The following CRH variants were observed in gnomAD, a reference collection of about 807,000 sequenced individuals.
CRH encodes the protein corticotropin releasing hormone, also known as corticotropin-releasing hormone.
In CRH, 6 loss-of-function variants were observed where a neutral mutation model predicts 11.1. The ratio of observed to expected loss-of-function variants is 0.54; its 90% CI spans 0.30 to 1.07. The LOEUF (loss-of-function observed/expected upper bound fraction) is 1.07. Among genes scored for constraint, CRH ranks in the 50% least tolerant of loss-of-function variants. CRH has a pLI of 0.07. For missense variants in CRH, 289 were observed against 269.4 expected (o/e 1.07, Z -0.51); for synonymous variants, 155 against 132.0 (o/e 1.17, Z -1.19).
At position 66,176,979 on chromosome 8, in the gene CRH, G is replaced by A; in HGVS notation, c.499C>T (p.Leu167Phe). 6.2e-7 allele frequency: 1 copy of A among 1,614,180 alleles called. No individual in the cohort carries two copies. The highest frequency in any genetic ancestry group is 8.5e-7 in the Non-Finnish European group (1 of 1,180,032). The change falls in exon 2 of 2, where the codon CTC (leucine) becomes TTC (phenylalanine). Residue 167 changes from leucine (L) to phenylalanine (F), a missense_variant. Leu to Phe is a conservative substitution (Grantham distance 22, BLOSUM62 0). This residue lies in a region of CRH where 28 missense variants were observed against 50.5 expected (regional missense o/e 0.55). Transcript: ENST00000276571. ...GCCATTTCCAAGACTTCCCGGAGGA[G>A]GTGGAAGGTGAGATCCAGGGAGATG... ...PPISLDLTFH[L>F]LREVLEMARA...
In CRH at chr8:66,177,415, T is replaced by C; in HGVS notation, c.63A>G (p.Pro21=). 1.3e-6 allele frequency: 2 copies of C among 1,539,666 alleles called. No individual in the cohort carries two copies. Among genetic ancestry groups the C allele is most frequent in the Non-Finnish European group, 8.7e-7 (1 of 1,147,038 alleles). The change falls in exon 2 of 2, where the codon CCA becomes CCG. Residue 21 remains proline, a synonymous_variant. Transcript: ENST00000276571. ...VLLVALLPCP[P]CRALLSRGPV... is the part of the protein sequence containing the mutation. Reference sequence around the variant, plus strand: ...GCCCGCGGCTCAGGAGCGCCCTGCATGGCGGGCAGGGCAGGAGAGCCACCA... The same window carrying C: ...GCCCGCGGCTCAGGAGCGCCCTGCACGGCGGGCAGGGCAGGAGAGCCACCA...
chr8:66,177,021 G>A lies in CRH; in HGVS notation c.457C>T (p.Arg153Trp). The change falls in exon 2 of 2, where the codon CGG (arginine) becomes TGG (tryptophan). Residue 153 changes from arginine to tryptophan, a missense_variant. By Grantham distance (101) the Arg-to-Trp change is moderately radical. This residue lies in a region of CRH where 261 missense variants were observed against 219.0 expected (regional missense o/e 1.19). Coordinates refer to ENST00000276571, the MANE Select transcript of CRH (RefSeq NM_000756.4). Reference protein sequence around the residue: ...GHQEAPERERRSEEPPISLDL... With the variant: ...GHQEAPERERWSEEPPISLDL... The stretch of plus-strand genomic sequence containing the variant: ...AGGGAGATGGGAGGCTCCTCGGACC[G>A]CCTTTCTCTCTCCGGTGCCTCCTGG... 6.2e-7 allele frequency: 1 copy of A among 1,613,976 alleles called. No individual in the cohort carries two copies. The highest frequency in any genetic ancestry group is 8.5e-7 in the Non-Finnish European group (1 of 1,179,938).
Position 66,177,038 on chromosome 8 carries a change from G to A in CRH, c.440C>T (p.Ala147Val). 6.2e-7 allele frequency: 1 copy of A among 1,613,344 alleles called. No homozygotes were observed. The highest frequency in any genetic ancestry group is 2.2e-5 in the East Asian group (1 of 44,864). Residue 147 changes from alanine to valine, a missense_variant, in exon 2 of 2, where the codon GCA becomes GTA. Transcript: ENST00000276571. ...CTCGGACCGCCTTTCTCTCTCCGGTGCCTCCTGGTGGCCGCCGAGGGCATT... is the reference window on the plus strand; with the variant it reads ...CTCGGACCGCCTTTCTCTCTCCGGTACCTCCTGGTGGCCGCCGAGGGCATT... Reference protein sequence around the residue: ...ARNALGGHQEAPERERRSEEP... With the variant: ...ARNALGGHQEVPERERRSEEP...
Position 66,177,190 on chromosome 8 carries a change from T to C in CRH, c.288A>G (p.Gly96=). The change falls in exon 2 of 2, where the codon GGA becomes GGG. Residue 96 remains glycine (G), a synonymous_variant. Coordinates refer to ENST00000276571, the MANE Select transcript of CRH (RefSeq NM_000756.4). ...PLSPASSLLA[G]GSGSRPSPEQ... The stretch of plus-strand genomic sequence containing the variant: ...CCGGCGAAGGGCGGCTGCCGCTGCC[T>C]CCGGCGAGGAGCGAGGAGGCGGGCG... 2 of 1,541,038 alleles carry C rather than the reference T, an allele frequency of 1.3e-6. No individual in the cohort carries two copies. The highest frequency in any genetic ancestry group is 2.0e-5 in the Admixed American group (1 of 50,972).
Position 66,176,752 on chromosome 8 carries a change from C to G in CRH, c.*135G>C. ...GCTAAGTAAGGGGTATAGGCTCTCT[C>G]CCTCTCTCCCTCTATGTTTCAAGCT... On this transcript the variant is annotated 3_prime_UTR_variant, in exon 2 of 2. Coordinates refer to ENST00000276571, the MANE Select transcript of CRH (RefSeq NM_000756.4). 52 of 1,074,584 alleles carry G rather than the reference C, an allele frequency of 4.8e-5. No individual in the cohort carries two copies. Among genetic ancestry groups the G allele is most frequent in the Non-Finnish European group, 6.0e-5 (47 of 782,906 alleles). 66.6% of individuals were successfully genotyped at this position (1,074,584 alleles called of 1,614,324 possible).
At position 66,177,364 on chromosome 8, in the gene CRH, C is replaced by T; in HGVS notation, c.114G>A (p.Pro38=). 1 of 1,543,514 alleles carries T rather than the reference C, an allele frequency of 6.5e-7. No individual in the cohort carries two copies. Among genetic ancestry groups the T allele is most frequent in the Middle Eastern group, 1.7e-4 (1 of 5,830 alleles). The change falls in exon 2 of 2, where the codon CCG becomes CCA. Residue 38 remains proline, a synonymous_variant. Coordinates refer to ENST00000276571, the MANE Select transcript of CRH (RefSeq NM_000756.4). ...AGAAATCCAAGGGCTGAGGGTGCTG[C>T]GGCGCCTGCCGAGCTCCCGGGACCG... ...RGPVPGARQA[P]QHPQPLDFFQ...
rs1165282996 is a variant in CRH, at chr8:66,176,882, C to T, written c.*5G>A. Reference sequence around the variant, plus strand: ...TGCAGATTCTTTTTGGCCAAACGCACCGTTTTATTTCCCAATAATCTCCAT... The same window carrying T: ...TGCAGATTCTTTTTGGCCAAACGCATCGTTTTATTTCCCAATAATCTCCAT... On this transcript the variant is annotated 3_prime_UTR_variant, in exon 2 of 2. Coordinates refer to ENST00000276571, the MANE Select transcript of CRH (RefSeq NM_000756.4). 1.3e-6 allele frequency: 2 copies of T among 1,575,194 alleles called. No homozygotes were observed. The highest frequency in any genetic ancestry group is 8.6e-7 in the Non-Finnish European group (1 of 1,160,106).
Position 66,177,333 on chromosome 8 carries a change from G to A in CRH, c.145C>T (p.Pro49Ser), listed in dbSNP as rs929688857. ...TGGGGCTGCTCGGACTGCGGCGGCGGCTGGAAGAAATCCAAGGGCTGAGGG... is the reference window on the plus strand; with the variant it reads ...TGGGGCTGCTCGGACTGCGGCGGCGACTGGAAGAAATCCAAGGGCTGAGGG... ...QHPQPLDFFQ[P>S]PPQSEQPQQP... is the part of the protein sequence containing the mutation. The change falls in exon 2 of 2, where the codon CCG becomes TCG. Residue 49 changes from proline (P) to serine (S), a missense_variant. Pro to Ser is a moderately conservative substitution (Grantham distance 74). Coordinates refer to ENST00000276571, the MANE Select transcript of CRH (RefSeq NM_000756.4). 2.2e-5 allele frequency: 34 copies of A among 1,553,732 alleles called. No individual in the cohort carries two copies. Among genetic ancestry groups the A allele is most frequent in the Non-Finnish European group, 2.8e-5 (32 of 1,154,420 alleles).
rs1178460532 is a variant in CRH at position 66,177,495 on chromosome 8, C to A, written c.-14-4G>T. The A allele has an allele frequency of 1.3e-6, 2 of 1,528,876 alleles. No homozygotes were observed. The highest frequency in any genetic ancestry group is 2.0e-5 in the Admixed American group (1 of 50,196). The allele number at this position is 1,528,876 out of a possible 1,614,324, so 94.7% of individuals were successfully genotyped here. ...AGCCGCATGTTAGGGGCACTCGCTG[C>A]GGCACAGAGGTGGGCGGAGGGCGGA... On this transcript the variant is annotated splice_polypyrimidine_tract_variant and splice_region_variant and intron_variant, in intron 1 of 1. Transcript: ENST00000276571.
chr8:66,177,596 C>A (rs572807971), intron 1 of CRH, 105 bp from the exon 2 acceptor site: 1 of 1,403,712 alleles, frequency 7.1e-7, no homozygotes, highest in Non-Finnish European at 9.4e-7. Context: ...GGTCTTCCTA[C>A]GGGACTGCCT....
chr8:66,178,003 C>A (rs1279397828), intron 1 of CRH, among the ~76,000 whole-genome samples: 2 of 152,244 alleles, frequency 1.3e-5, no homozygotes, highest in East Asian at 3.9e-4. Flanking sequence ...CAGCAAGGAG[C>A]AACTGGCAGC....
chr8:66,178,364 C>G lies in CRH; in HGVS notation c.-86G>C, dbSNP rs974631919. The G allele has an allele frequency of 1.3e-5, 2 of 152,352 alleles. No individual in the cohort carries two copies. The highest frequency in any genetic ancestry group is 4.8e-5 in the African/African-American group (2 of 41,448). The allele number at this position is 152,352 out of a possible 1,614,324, so 9.4% of individuals were successfully genotyped here. On this transcript the variant is annotated 5_prime_UTR_variant, in exon 1 of 2. Coordinates refer to ENST00000276571, the MANE Select transcript of CRH (RefSeq NM_000756.4). ...AGAGAGACGTCTCCGGGGGCTTTCTCTGGAGGTTGTCTTCCTTTCTCTTTA... is the reference window on the plus strand; with the variant it reads ...AGAGAGACGTCTCCGGGGGCTTTCTGTGGAGGTTGTCTTCCTTTCTCTTTA...
At chr8:66,177,699 G>A (rs1052465575) in intron 1 of CRH, among the ~76,000 whole-genome samples, 1 of 152,156 alleles carries the variant, frequency 6.6e-6, no homozygotes, top group South Asian at 2.1e-4. Context: ...CGCCTGCAGG[G>A]CTCCGCACCT....
In CRH at chr8:66,177,122, A is replaced by T. The variant is rs1363928548; in HGVS notation, c.356T>A (p.Leu119Gln). 10 of 1,559,548 alleles carry T rather than the reference A, an allele frequency of 6.4e-6. No individual in the cohort carries two copies. The highest frequency in any genetic ancestry group is 2.4e-5 in the East Asian group (1 of 41,938). Residue 119 changes from leucine to glutamine, a missense_variant, in exon 2 of 2, where the codon CTG becomes CAG. This residue lies in a region of CRH where 261 missense variants were observed against 219.0 expected (regional missense o/e 1.19). Coordinates refer to ENST00000276571, the MANE Select transcript of CRH (RefSeq NM_000756.4). ...ANFFRVLLQQ[L>Q]LLPRRSLDSP... ...GTCGAGCGAGCGCCGAGGCAGCAGCAGCTGCTGCAGCAACACGCGGAAAAA... is the reference window on the plus strand; with the variant it reads ...GTCGAGCGAGCGCCGAGGCAGCAGCTGCTGCTGCAGCAACACGCGGAAAAA...
rs1262118201 is a variant in CRH, at chr8:66,176,517, G to C, written c.*370C>G. The C allele has an allele frequency of 6.3e-6, 1 of 157,988 alleles. No individual in the cohort carries two copies. The highest frequency in any genetic ancestry group is 1.4e-5 in the Non-Finnish European group (1 of 72,264). 9.8% of individuals were successfully genotyped at this position (157,988 alleles called of 1,614,324 possible). A position where few individuals can be genotyped will look rare whatever the true frequency, so the allele number is the denominator to read the frequency against. On this transcript the variant is annotated 3_prime_UTR_variant, in exon 2 of 2. Transcript: ENST00000276571. ...TTGTTTCAAAGAGCTTACAGATTTA[G>C]TCTTACCCACCCAAGAGAATGGCAT...
rs1180655181 is a variant in CRH at position 66,178,442 on chromosome 8, T to G, written c.-164A>C. 1 of 152,292 alleles carries G rather than the reference T, an allele frequency of 6.6e-6. No individual in the cohort carries two copies. The highest frequency in any genetic ancestry group is 2.4e-5 in the African/African-American group (1 of 41,454). The allele number at this position is 152,292 out of a possible 1,614,324, so 9.4% of individuals were successfully genotyped here. A position where few individuals can be genotyped will look rare whatever the true frequency, so the allele number is the denominator to read the frequency against. ...CCTCTCTTTCCCCTCAGTCTCTCAA[T>G]GGACTTGGTCTCTGAGTTTCTCCAC... On this transcript the variant is annotated 5_prime_UTR_variant, in exon 1 of 2. Coordinates refer to ENST00000276571, the MANE Select transcript of CRH (RefSeq NM_000756.4).
chr8:66,176,733 T>A lies in CRH; in HGVS notation c.*154A>T. ...GTGAATACACTTTGTGCATGCTAAG[T>A]AAGGGGTATAGGCTCTCTCCCTCTC... On this transcript the variant is annotated 3_prime_UTR_variant, in exon 2 of 2. Coordinates refer to ENST00000276571, the MANE Select transcript of CRH (RefSeq NM_000756.4). The A allele has an allele frequency of 3.4e-6, 3 of 871,958 alleles. No individual in the cohort carries two copies. The highest frequency in any genetic ancestry group is 4.9e-6 in the Non-Finnish European group (3 of 618,210). The allele number at this position is 871,958 out of a possible 1,614,324, so 54.0% of individuals were successfully genotyped here. A position where few individuals can be genotyped will look rare whatever the true frequency, so the allele number is the denominator to read the frequency against.
At chr8:66,177,838 A>T (rs560222793) in intron 1 of CRH, among the ~76,000 whole-genome samples, 60 of 152,128 alleles carry the variant, frequency 3.9e-4, no homozygotes, top group South Asian at 6.2e-4. Context: ...CAGATTTAAG[A>T]TCCCACCCGC....
Position 66,177,159 on chromosome 8 carries a change from C to A in CRH, c.319G>T (p.Ala107Ser). 1 of 1,542,884 alleles carries A rather than the reference C, an allele frequency of 6.5e-7. No individual in the cohort carries two copies. Among genetic ancestry groups the A allele is most frequent in the Non-Finnish European group, 8.7e-7 (1 of 1,146,100 alleles). The change falls in exon 2 of 2, where the codon GCG (alanine) becomes TCG (serine). Residue 107 changes from alanine (A) to serine (S), a missense_variant. Physicochemically the swap from Ala to Ser is moderately conservative, Grantham distance 99. This residue lies in a region of CRH where 261 missense variants were observed against 219.0 expected (regional missense o/e 1.19). Coordinates refer to ENST00000276571, the MANE Select transcript of CRH (RefSeq NM_000756.4). ...GSGSRPSPEQ[A>S]TANFFRVLLQ... ...AACACGCGGAAAAAGTTGGCGGTCGCCTGTTCCGGCGAAGGGCGGCTGCCG... is the reference window on the plus strand; with the variant it reads ...AACACGCGGAAAAAGTTGGCGGTCGACTGTTCCGGCGAAGGGCGGCTGCCG...
Sources: allele counts gnomAD v4.1 joint callset (sites outside exome capture counted in the v4.1 genomes callset), GRCh38; gene constraint gnomAD v4.1.1; regional missense constraint gnomAD v4.1.1; transcripts MANE v1.5; gene names NCBI Gene and HGNC (gene_info 2026-07-23, HGNC 2026-07-21).